DRC9: variants seen among roughly 807,000 people sequenced by gnomAD.
DRC9 encodes dynein regulatory complex protein 9.
the DRC9 span, chr3:197,953,739 C>G: frequency 2.4e-5 from 13 of 546,106 alleles, no homozygotes; most frequent in South Asian, 2.6e-4. Context: ...CCTCTGTTAT[C>G]ATCTGACCTA....
chr3:197,954,764 T>A, the DRC9 span, among the ~76,000 whole-genome samples: 1 of 152,204 alleles, frequency 6.6e-6, no homozygotes, highest in Non-Finnish European at 1.5e-5. Context: ...CACCTTGGCC[T>A]CCCAGAGTGC....
the DRC9 span, among the ~76,000 whole-genome samples, chr3:197,923,916 C>T: frequency 1.3e-4 from 19 of 149,866 alleles, no homozygotes; most frequent in South Asian, 6.4e-4. Context: ...ACAATTAAAC[C>T]GCAGCCTGGC....
At chr3:197,892,648 G>A in the DRC9 span, 2 of 1,608,350 alleles carry the variant, frequency 1.2e-6, no homozygotes, top group Non-Finnish European at 8.5e-7. Context: ...AGGTCTTGAA[G>A]GTGTGCTAAG....
the DRC9 span, among the ~76,000 whole-genome samples, chr3:197,903,914 G>A: frequency 2.0e-5 from 3 of 150,994 alleles, no homozygotes; most frequent in African/African-American, 7.3e-5. Context: ...TTCAAGGCCC[G>A]CCTGGGCAAC....
chr3:197,959,323 A>G, the DRC9 span: 2 of 152,342 alleles, frequency 1.3e-5, no homozygotes, highest in South Asian at 2.1e-4. Flanking sequence ...TGTAGTGGAA[A>G]GGGCACGTTT....
the DRC9 span, chr3:197,891,556 A>G: frequency 1.4e-6 from 2 of 1,446,440 alleles, no homozygotes; most frequent in South Asian, 2.3e-5. Context: ...ATCTGCAAAG[A>G]TAGACATTCA....
At chr3:197,935,392 T>C in the DRC9 span, among the ~76,000 whole-genome samples, 1 of 151,664 alleles carries the variant, frequency 6.6e-6, no homozygotes, top group Admixed American at 6.6e-5. Context: ...TGAGCCGGGA[T>C]TGCGCCACTG....
chr3:197,917,672 G>A, the DRC9 span, among the ~76,000 whole-genome samples: 11 of 151,378 alleles, frequency 7.3e-5, no homozygotes, highest in Non-Finnish European at 1.5e-4. Context: ...TTGGCTCACT[G>A]TTTTTCTTCC....
chr3:197,921,755 G>A, the DRC9 span, among the ~76,000 whole-genome samples: 1 of 148,228 alleles, frequency 6.7e-6, no homozygotes, highest in Non-Finnish European at 1.5e-5. Context: ...CTGGTTTTCA[G>A]TAACTCTGGG....
At chr3:197,902,323 A>G in the DRC9 span, among the ~76,000 whole-genome samples, 1 of 152,234 alleles carries the variant, frequency 6.6e-6, no homozygotes, top group African/African-American at 2.4e-5. Context: ...ATGAACATCC[A>G]GAAGCATCAA....
chr3:197,955,158 G>A, the DRC9 span, among the ~76,000 whole-genome samples: 1 of 152,126 alleles, frequency 6.6e-6, no homozygotes, highest in African/African-American at 2.4e-5. Flanking sequence ...TGGGGCCAGG[G>A]GGTACTGTTG....
At chr3:197,954,539 TCA>T in the DRC9 span, 1 of 326,472 alleles carries the variant, frequency 3.1e-6, no homozygotes, top group Non-Finnish European at 5.9e-6. Flanking sequence ...AGACAAGGTC[TCA>T]CTTTGTCACG....
chr3:197,931,942 A>G, the DRC9 span, among the ~76,000 whole-genome samples: 8 of 152,112 alleles, frequency 5.3e-5, no homozygotes, highest in South Asian at 2.1e-4. Context: ...ATCTTAAGAA[A>G]GGTTACTAGA....
chr3:197,948,191 C>T, the DRC9 span, among the ~76,000 whole-genome samples: 16 of 152,272 alleles, frequency 1.1e-4, no homozygotes, highest in South Asian at 3.1e-3. Flanking sequence ...CCTCAGCCTC[C>T]CAAAGTGCTG....
chr3:197,891,588 T>C, the DRC9 span: 1 of 1,154,046 alleles, frequency 8.7e-7, no homozygotes, highest in South Asian at 1.3e-5. Flanking sequence ...AGTACTCTCT[T>C]GGCTAAGCTG....
chr3:197,889,764 T>C, the DRC9 span: 8 of 1,606,414 alleles, frequency 5.0e-6, no homozygotes, highest in African/African-American at 1.3e-5. Flanking sequence ...CCTGACAAGC[T>C]GCATTCTTTC....
chr3:197,953,976 T>C, the DRC9 span: 4 of 1,611,634 alleles, frequency 2.5e-6, no homozygotes, highest in African/African-American at 5.3e-5. Context: ...CAGCTTGTAT[T>C]CCTCTTCTTT....
chr3:197,960,068 G>A, the DRC9 span: 1 of 636,846 alleles, frequency 1.6e-6, no homozygotes. Context: ...GCCACGAGAC[G>A]CGATGGACGT....
chr3:197,904,039 CATATATATACATACAT>C, the DRC9 span, among the ~76,000 whole-genome samples: 2 of 65,332 alleles, frequency 3.1e-5, no homozygotes, highest in Non-Finnish European at 2.5e-5. Context: ...TATATACATA[CATATATATACATACAT>C]ATATATATAT....
Sources: allele counts gnomAD v4.1 joint callset (sites outside exome capture counted in the v4.1 genomes callset), GRCh38; gene constraint gnomAD v4.1.1; transcripts MANE v1.5; gene names NCBI Gene and HGNC (gene_info 2026-07-23, HGNC 2026-07-21).